Variants in LRMDA observed in about 807,000 individuals in gnomAD.
LRMDA encodes the protein leucine rich melanocyte differentiation associated.
LRMDA carries 18 observed loss-of-function variants against 29.8 expected under a neutral mutation model. That is an observed-to-expected ratio of 0.60 (90% confidence interval 0.42 to 0.90). LRMDA has a LOEUF of 0.90. Among genes scored for constraint, LRMDA ranks in the 40% least tolerant of loss-of-function variants. LRMDA has a pLI of 0.00. For missense variants in LRMDA, 273 were observed against 273.9 expected, an observed-to-expected ratio of 1.00 and a Z score of 0.02; for synonymous variants, 125 against 109.4, an observed-to-expected ratio of 1.14 and a Z score of -0.89.
chr10:75,622,459 T>C lies in LRMDA; in HGVS notation c.131+183965T>C, dbSNP rs534521669. Among the ~76,000 whole-genome samples, 19 of 152,342 alleles carry C rather than the reference T, an allele frequency of 1.2e-4. No individual in the cohort carries two copies. In the East Asian group the frequency reaches 3.3e-3, roughly 26 times the overall value. ...CATCTGGGCCATTGTGCATGTAGCC[T>C]TATCTACCGTTTTTACTTTCTGCAA... On this transcript the variant is annotated intron_variant, in intron 2 of 6. Coordinates refer to ENST00000611255, the MANE Select transcript of LRMDA (RefSeq NM_001305581.2).
intron 2 of LRMDA, among the ~76,000 whole-genome samples, chr10:75,580,206 T>TA (rs890844770): frequency 2.0e-5 from 3 of 152,176 alleles, no homozygotes; most frequent in Non-Finnish European, 4.4e-5. Flanking sequence ...CTTAAGCTGA[T>TA]AAAAAACTTC....
intron 2 of LRMDA, among the ~76,000 whole-genome samples, chr10:76,024,191 A>G (rs1339521212): frequency 6.6e-6 from 1 of 152,240 alleles, no homozygotes; most frequent in Non-Finnish European, 1.5e-5. Flanking sequence ...AAAACACCAC[A>G]CTGGCTTCCT....
intron 6 of LRMDA, among the ~76,000 whole-genome samples, chr10:76,516,992 T>A (rs75336701): frequency 0.021 from 3,244 of 152,214 alleles, 71 homozygotes; most frequent in South Asian, 0.1. Context: ...AAATAGACTA[T>A]CATTGAAGAG....
chr10:76,484,061 T>C (rs1433800950), intron 6 of LRMDA, among the ~76,000 whole-genome samples: 1 of 151,930 alleles, frequency 6.6e-6, no homozygotes, highest in Admixed American at 6.6e-5. Context: ...CCGTTTTCAT[T>C]GTCATATGCT....
intron 5 of LRMDA, among the ~76,000 whole-genome samples, chr10:76,253,040 T>G (rs941531103): frequency 6.6e-6 from 1 of 152,216 alleles, no homozygotes; most frequent in Non-Finnish European, 1.5e-5. Context: ...TGCCGTGTGT[T>G]ATTGTAACAT....
rs114686099 is a variant in LRMDA, at chr10:75,770,613, A to G, written c.132-265395A>G. Among the ~76,000 whole-genome samples the G allele has an allele frequency of 9.7e-3, 1,482 of 152,306 alleles. 32 individuals carry two copies. Among genetic ancestry groups the G allele is most frequent in the African/African-American group, 0.034 (1,414 of 41,544 alleles). ...TTTGTGAATATTCAAGCACAGAACT[A>G]TATTTTGAAAGAATTGTGTAATTGG... On this transcript the variant is annotated intron_variant, in intron 2 of 6. Coordinates refer to ENST00000611255, the MANE Select transcript of LRMDA (RefSeq NM_001305581.2).
chr10:75,821,483 T>G (rs1235349441), intron 2 of LRMDA, among the ~76,000 whole-genome samples: 1 of 152,166 alleles, frequency 6.6e-6, no homozygotes, highest in Non-Finnish European at 1.5e-5. Context: ...GATAAAACCC[T>G]TACTGGCTGG....
chr10:75,813,833 A>AT (rs1023897652), intron 2 of LRMDA, among the ~76,000 whole-genome samples: 1 of 152,170 alleles, frequency 6.6e-6, no homozygotes, highest in African/African-American at 2.4e-5. Context: ...TGCTCTAACC[A>AT]TTTGTGTTGA....
intron 5 of LRMDA, among the ~76,000 whole-genome samples, chr10:76,122,884 A>T (rs931080485): frequency 5.3e-5 from 8 of 152,096 alleles, no homozygotes; most frequent in Non-Finnish European, 1.2e-4. Flanking sequence ...GTCCATGGAG[A>T]TTAGCCTTTT....
intron 6 of LRMDA, among the ~76,000 whole-genome samples, chr10:76,345,368 G>A (rs559842562): frequency 4.0e-4 from 60 of 150,296 alleles, no homozygotes; most frequent in East Asian, 1.4e-3. Flanking sequence ...CACCGCGCCC[G>A]GCCCACAAAA....
At position 75,672,547 on chromosome 10, in the gene LRMDA, TCC is replaced by T. The variant is rs1841907750; in HGVS notation, c.131+234056_131+234057del. The stretch of plus-strand genomic sequence containing the variant: ...TTTCCTCCCCTCCCCTCCCCTCCCC[TCC>T]CCTCCCCTCCCCTCCCCTTCCCTTC... On this transcript the variant is annotated intron_variant, in intron 2 of 6. Transcript: ENST00000611255. Among the ~76,000 whole-genome samples the T allele has an allele frequency of 7.7e-4, 2 of 2,602 alleles. 1 individual carries two copies. The highest frequency in any genetic ancestry group is 1.2e-3 in the Non-Finnish European group (2 of 1,606). 1.7% of individuals were successfully genotyped at this position (2,602 alleles called of 152,430 possible).
chr10:75,435,072 T>A (rs1844249016), intron 1 of LRMDA, among the ~76,000 whole-genome samples: 1 of 152,244 alleles, frequency 6.6e-6, no homozygotes, highest in South Asian at 2.1e-4. Context: ...CTTCCTGTTA[T>A]TCCACACAGG....
In LRMDA at chr10:75,750,165, G is replaced by A. The variant is rs182848917; in HGVS notation, c.132-285843G>A. Among the ~76,000 whole-genome samples, 479 of 152,248 alleles carry A rather than the reference G, an allele frequency of 3.1e-3. 4 individuals are homozygous for A. The highest frequency in any genetic ancestry group is 0.011 in the African/African-American group (448 of 41,552). Reference sequence around the variant, plus strand: ...GGGTACACCTCCCAGACGGGGTGGCGGCTGGGCAGAGGGGCTCCTCACTTC... The same window carrying A: ...GGGTACACCTCCCAGACGGGGTGGCAGCTGGGCAGAGGGGCTCCTCACTTC... On this transcript the variant is annotated intron_variant, in intron 2 of 6. Coordinates refer to ENST00000611255, the MANE Select transcript of LRMDA (RefSeq NM_001305581.2).
intron 2 of LRMDA, among the ~76,000 whole-genome samples, chr10:75,756,627 T>C (rs1843035860): frequency 6.6e-6 from 1 of 152,236 alleles, no homozygotes; most frequent in Non-Finnish European, 1.5e-5. Flanking sequence ...TGAACAATAA[T>C]AGTGATGAGG....
At chr10:75,744,462 C>T (rs1185302138) in intron 2 of LRMDA, among the ~76,000 whole-genome samples, 2 of 152,166 alleles carry the variant, frequency 1.3e-5, no homozygotes, top group African/African-American at 4.8e-5. Flanking sequence ...ATGGACCTTG[C>T]ATCATTCTGT....
chr10:75,708,577 C>CTCG (rs1466736314), intron 2 of LRMDA, among the ~76,000 whole-genome samples: 7 of 152,120 alleles, frequency 4.6e-5, no homozygotes, highest in African/African-American at 1.7e-4. Flanking sequence ...AGTTTAGGCT[C>CTCG]TCGTCATCAA....
chr10:75,452,829 T>C (rs1383247209), intron 2 of LRMDA, among the ~76,000 whole-genome samples: 2 of 152,240 alleles, frequency 1.3e-5, no homozygotes, highest in African/African-American at 4.8e-5. Flanking sequence ...AAAAGCTGCC[T>C]GTATTTTATT....
intron 2 of LRMDA, among the ~76,000 whole-genome samples, chr10:75,630,410 G>C (rs1419795703): frequency 1.3e-5 from 2 of 152,200 alleles, no homozygotes; most frequent in Admixed American, 6.5e-5. Flanking sequence ...CCTCTCCATC[G>C]TTGAGTTTCT....
intron 6 of LRMDA, among the ~76,000 whole-genome samples, chr10:76,541,100 C>T (rs1032970718): frequency 2.0e-5 from 3 of 152,090 alleles, no homozygotes; most frequent in African/African-American, 7.2e-5. Context: ...TTGTATGTTC[C>T]TAGGTCCATT....
Sources: gnomAD v4.1 joint callset for allele counts (sites outside exome capture counted in the v4.1 genomes callset) on GRCh38, gnomAD v4.1.1 for gene constraint, MANE v1.5 for transcripts, NCBI Gene and HGNC (gene_info 2026-07-23, HGNC 2026-07-21) for gene names.